DLGAP1: variants seen among roughly 807,000 people sequenced by gnomAD.
DLGAP1 encodes DLG associated protein 1.
A neutral mutation model predicts 90.8 loss-of-function variants in DLGAP1; 11 were observed. The observed-to-expected ratio is 0.12, with a 90% CI of 0.08 to 0.20. The LOEUF (loss-of-function observed/expected upper bound fraction) is 0.20, where lower values mean the gene tolerates loss of function less well. Among genes scored for constraint, DLGAP1 ranks in the 10% least tolerant of loss-of-function variants. The pLI, the probability that DLGAP1 is intolerant of heterozygous loss-of-function variation, is 1.00. For missense variants in DLGAP1, 1,050 were observed against 1,333.8 expected (o/e 0.79, Z 3.31); for synonymous variants, 558 against 540.7 (o/e 1.03, Z -0.44).
chr18:3,540,578 G>A (rs569927871), intron 9 of DLGAP1, among the ~76,000 whole-genome samples: 8 of 151,358 alleles, frequency 5.3e-5, no homozygotes, highest in African/African-American at 1.5e-4. Context: ...ATGGGAGGGC[G>A]CAGGCATAAG....
chr18:3,612,467 G>A (rs535298793), intron 7 of DLGAP1, among the ~76,000 whole-genome samples: 18 of 152,322 alleles, frequency 1.2e-4, no homozygotes, highest in African/African-American at 4.3e-4. Context: ...CGTGGCCCTT[G>A]TGAAAGGTCT....
intron 4 of DLGAP1, among the ~76,000 whole-genome samples, chr18:3,822,340 C>T (rs2067467202): frequency 6.6e-6 from 1 of 152,146 alleles, no homozygotes; most frequent in Non-Finnish European, 1.5e-5. Context: ...AATTTGCTTA[C>T]CATGACCCTG....
intron 7 of DLGAP1, among the ~76,000 whole-genome samples, chr18:3,611,148 A>T (rs865895487): frequency 1.3e-5 from 2 of 151,752 alleles, no homozygotes; most frequent in African/African-American, 2.4e-5. Context: ...AAAAAAGTGT[A>T]TACTTTTTTT....
At chr18:3,772,335 TC>T (rs2064644256) in intron 5 of DLGAP1, among the ~76,000 whole-genome samples, 3 of 4,930 alleles carry the variant, frequency 6.1e-4, no homozygotes, top group Non-Finnish European at 1.7e-3. Context: ...TCTCTCCTTC[TC>T]TCTCTCTCTC....
At chr18:4,177,351 A>AAC (rs34299932) in intron 1 of DLGAP1, among the ~76,000 whole-genome samples, 11,761 of 141,490 alleles carry the variant, frequency 0.083, 493 homozygotes, top group Admixed American at 0.11. Context: ...ACTTTCTTTG[A>AAC]ACACACACAC....
chr18:4,442,245 A>C (rs1186436261), intron 1 of DLGAP1, among the ~76,000 whole-genome samples: 1 of 151,976 alleles, frequency 6.6e-6, no homozygotes, highest in East Asian at 1.9e-4. Context: ...TGATCCGCCC[A>C]CCTCGGCCTC....
Position 3,933,356 on chromosome 18 carries a change from A to G in DLGAP1, c.-72-53216T>C, listed in dbSNP as rs1050195560. Among the ~76,000 whole-genome samples the G allele has an allele frequency of 3.3e-5, 5 of 152,364 alleles. No homozygotes were observed. In the East Asian group the frequency reaches 9.6e-4, roughly 29 times the overall value. ...AATTGATCATCACGGTTCAGGTTGC[A>G]GAAATGGAATGTTCTCTATTTTCTC... On this transcript the variant is annotated intron_variant, in intron 3 of 12. Transcript: ENST00000315677.
At chr18:4,050,547 G>A (rs1407138850) in intron 2 of DLGAP1, among the ~76,000 whole-genome samples, 1 of 152,130 alleles carries the variant, frequency 6.6e-6, no homozygotes, top group Non-Finnish European at 1.5e-5. Flanking sequence ...GTCAATATAG[G>A]CTTCTATCCA....
Position 4,105,895 on chromosome 18 carries a change from G to A in DLGAP1, c.-159+45285C>T, listed in dbSNP as rs374310390. ...AATACAAAAAAAATTAGCCGGGCGT[G>A]GTGGCGGGCACCTGTAGTCCCAGCT... On this transcript the variant is annotated intron_variant, in intron 2 of 12. Transcript: ENST00000315677. Among the ~76,000 whole-genome samples the A allele has an allele frequency of 6.8e-4, 103 of 152,060 alleles. 1 individual carries two copies. In the South Asian group the frequency reaches 0.017, roughly 25 times the overall value.
chr18:3,972,399 C>T (rs111559333), intron 3 of DLGAP1, among the ~76,000 whole-genome samples: 1 of 152,004 alleles, frequency 6.6e-6, no homozygotes, highest in Non-Finnish European at 1.5e-5. Context: ...TTATATATAA[C>T]TCTCCCTAGT....
In DLGAP1 at chr18:4,204,773, G is replaced by A. The variant is rs1032395658; in HGVS notation, c.-266-53486C>T. On this transcript the variant is annotated intron_variant, in intron 1 of 12. Coordinates refer to ENST00000315677, the MANE Select transcript of DLGAP1 (RefSeq NM_004746.4). ...TTTAGAATTGTAAAGGGACATGTTG[G>A]ATGTTCCATGAAGGTCAAAGTCAAT... 1.1e-4 allele frequency among the ~76,000 whole-genome samples: 16 copies of A among 152,078 alleles called. No individual in the cohort carries two copies. The South Asian group carries it at 2.9e-3, about 28-fold the overall frequency.
intron 3 of DLGAP1, chr18:3,894,850 T>C (rs1347625858): frequency 1.3e-5 from 2 of 152,354 alleles, no homozygotes; most frequent in Non-Finnish European, 2.9e-5. Flanking sequence ...TCTGATATGA[T>C]CTTTGATGAT....
At position 4,142,509 on chromosome 18, in the gene DLGAP1, G is replaced by A. The variant is rs559545088; in HGVS notation, c.-159+8671C>T. On this transcript the variant is annotated intron_variant, in intron 2 of 12. Transcript: ENST00000315677. ...TCTCTGAGACATGAAAAATAAACAC[G>A]TATTCCACAAATAGATTTTAGTATC... 4.6e-5 allele frequency among the ~76,000 whole-genome samples: 7 copies of A among 152,190 alleles called. No homozygotes were observed. The South Asian group carries it at 6.2e-4, about 14-fold the overall frequency.
At chr18:4,134,038 A>G (rs2076360578) in intron 2 of DLGAP1, among the ~76,000 whole-genome samples, 1 of 152,098 alleles carries the variant, frequency 6.6e-6, no homozygotes, top group South Asian at 2.1e-4. Flanking sequence ...GGGATGATTG[A>G]ATTTATAATT....
intron 4 of DLGAP1, among the ~76,000 whole-genome samples, chr18:3,867,333 A>G (rs1044801686): frequency 3.9e-5 from 6 of 152,146 alleles, no homozygotes; most frequent in African/African-American, 1.2e-4. Context: ...TAAACTGACA[A>G]TCTTGGACTA....
intron 10 of DLGAP1, among the ~76,000 whole-genome samples, chr18:3,510,956 T>C (rs1180392095): frequency 2.0e-5 from 3 of 152,250 alleles, no homozygotes; most frequent in Non-Finnish European, 4.4e-5. Flanking sequence ...AAGGGATATC[T>C]TTCTTCATTC....
At position 4,431,685 on chromosome 18, in the gene DLGAP1, CAT is replaced by C. The variant is rs1258111798; in HGVS notation, c.-267+23319_-267+23320del. On this transcript the variant is annotated intron_variant, in intron 1 of 12. Coordinates refer to ENST00000315677, the MANE Select transcript of DLGAP1 (RefSeq NM_004746.4). Reference sequence around the variant, plus strand: ...TCATTCTGGCTTTCTCAAGGCAACTCATATTATTAATGAGTACTTCTATTTTC... The same window carrying C: ...TCATTCTGGCTTTCTCAAGGCAACTCATTATTAATGAGTACTTCTATTTTC... 3.9e-5 allele frequency among the ~76,000 whole-genome samples: 6 copies of C among 152,312 alleles called. No individual in the cohort carries two copies. In the East Asian group the frequency reaches 7.7e-4, roughly 20 times the overall value.
At chr18:4,166,716 C>G (rs984955306) in intron 1 of DLGAP1, among the ~76,000 whole-genome samples, 1 of 152,092 alleles carries the variant, frequency 6.6e-6, no homozygotes, top group African/African-American at 2.4e-5. Context: ...AAATATTATC[C>G]AGCCTTATGA....
intron 4 of DLGAP1, among the ~76,000 whole-genome samples, chr18:3,877,261 C>T (rs2071028091): frequency 6.6e-6 from 1 of 152,084 alleles, no homozygotes; most frequent in South Asian, 2.1e-4. Flanking sequence ...CCTGAGATCG[C>T]AACTCCAAAA....
Sources: allele counts gnomAD v4.1 joint callset (sites outside exome capture counted in the v4.1 genomes callset), GRCh38; gene constraint gnomAD v4.1.1; transcripts MANE v1.5; gene names NCBI Gene and HGNC (gene_info 2026-07-23, HGNC 2026-07-21).